The following STAB1 variants were observed in gnomAD, a reference collection of about 807,000 sequenced individuals.
The protein encoded by STAB1 is stabilin 1, also known as stabilin-1.
A neutral mutation model predicts 332.4 loss-of-function variants in STAB1; 250 were observed. That is an observed-to-expected ratio of 0.75 (90% CI 0.68 to 0.84). STAB1 has a LOEUF of 0.84. STAB1 is among the 40% of genes least tolerant of loss of function. The pLI is 0.00. For missense variants in STAB1, 3,249 were observed against 3,489.7 expected, an observed-to-expected ratio of 0.93 and a Z score of 1.74; for synonymous variants, 1,475 against 1,390.4, an observed-to-expected ratio of 1.06 and a Z score of -1.35.
chr3:52,515,899 T>C, intron 37 of STAB1, 144 bp from the exon 38 acceptor site: 1 of 952,260 alleles, frequency 1.1e-6, no homozygotes, highest in South Asian at 1.8e-5. Flanking sequence ...TGTGTCTCTT[T>C]CAGCTCTGAG....
In STAB1 at chr3:52,523,123, A is replaced by G; in HGVS notation, c.7009A>G (p.Thr2337Ala). 1.3e-6 allele frequency: 2 copies of G among 1,585,768 alleles called. No homozygotes were observed. The highest frequency in any genetic ancestry group is 8.6e-7 in the Non-Finnish European group (1 of 1,165,024). The change falls in exon 63 of 69, where the codon ACC becomes GCC. Residue 2337 changes from threonine to alanine, a missense_variant. Coordinates refer to ENST00000321725, the MANE Select transcript of STAB1 (RefSeq NM_015136.3). ...DVLAATANFSTFYGMLLGYAN... is the reference protein window; with the variant it reads ...DVLAATANFSAFYGMLLGYAN... ...GCTGGCTGCCACTGCCAACTTCTCC[A>G]CCTTCTATGGGGTGTGTGGGGGCCA... is the stretch of plus-strand genomic sequence containing the variant.
chr3:52,509,742 G>A (rs1709152075), intron 22 of STAB1, 128 bp from the exon 23 acceptor site: 3 of 984,054 alleles, frequency 3.0e-6, no homozygotes, highest in Non-Finnish European at 4.6e-6. Flanking sequence ...GATAACCTCT[G>A]ATTTTTCCAC....
At position 52,516,430 on chromosome 3, in the gene STAB1, CA is replaced by C; in HGVS notation, c.4220del (p.Gln1407ArgfsTer184). 1.2e-6 allele frequency: 2 copies of C among 1,612,138 alleles called. No individual in the cohort carries two copies. The highest frequency in any genetic ancestry group is 1.7e-6 in the Non-Finnish European group (2 of 1,178,808). Reference sequence around the variant, plus strand: ...AAGCTGTGTCTGTAACGTGGGCTGGCAGGGCCTCCGCTGTGACCAGAGTGAG... The same window carrying C: ...AAGCTGTGTCTGTAACGTGGGCTGGCGGGCCTCCGCTGTGACCAGAGTGAG... Reference protein sequence around the residue: ...DGSCVCNVGWQGLRCDQKITS... With the variant: ...DGSCVCNVGWXGLRCDQKITS... On this transcript the variant is annotated frameshift_variant, in exon 39 of 69. Coordinates refer to ENST00000321725, the MANE Select transcript of STAB1 (RefSeq NM_015136.3). LOFTEE classifies it high-confidence loss of function.
rs1422148317 is a variant in STAB1 at position 52,522,164 on chromosome 3, C to A, written c.6399C>A (p.Arg2133=). ...GTGATGGCTGGAGCTGCCGGGCCCG[C>A]AACCCCTGCACAGATGGCCACCGCG... The part of the protein sequence containing the change: ...YEGDGWSCRA[R]NPCTDGHRGG... Residue 2133 remains arginine (R), a synonymous_variant, in exon 59 of 69, where the codon CGC becomes CGA. Transcript: ENST00000321725. 7.4e-6 allele frequency: 12 copies of A among 1,612,770 alleles called. No homozygotes were observed. Among genetic ancestry groups the A allele is most frequent in the South Asian group, 3.3e-5 (3 of 91,092 alleles).
At position 52,515,146 on chromosome 3, in the gene STAB1, A is replaced by C. The variant is rs2078817010; in HGVS notation, c.3864+101A>C. 4 of 1,432,594 alleles carry C rather than the reference A, an allele frequency of 2.8e-6. No homozygotes were observed. In the African/African-American group the frequency reaches 5.7e-5, roughly 20 times the overall value. 88.7% of individuals were successfully genotyped at this position (1,432,594 alleles called of 1,614,324 possible). ...CCTCCAGCCCAGTTTTGCTTGGCCC[A>C]GGCATCCAGGCTCAGGGAACTGGGT... On this transcript the variant is annotated intron_variant, in intron 36 of 68. Coordinates refer to ENST00000321725, the MANE Select transcript of STAB1 (RefSeq NM_015136.3).
chr3:52,501,429 T>G, intron 2 of STAB1, 127 bp downstream of exon 2: 1 of 1,441,656 alleles, frequency 6.9e-7, no homozygotes, highest in Non-Finnish European at 9.4e-7. Context: ...TGGCCCCACC[T>G]GGGTGGTGGA....
At chr3:52,519,638 C>CTA in intron 50 of STAB1, 74 bp downstream of exon 50, 1 of 1,573,088 alleles carries the variant, frequency 6.4e-7, no homozygotes, top group South Asian at 1.1e-5. Flanking sequence ...GTATGCGTAC[C>CTA]TGTGTGTGCA....
intron 43 of STAB1, 46 bp downstream of exon 43, chr3:52,517,439 C>G: frequency 6.4e-7 from 1 of 1,573,536 alleles, no homozygotes; most frequent in South Asian, 1.2e-5. Context: ...CATGCCCTCA[C>G]AGGATGGGGC....
Position 52,521,900 on chromosome 3 carries a change from A to G in STAB1, c.6220A>G (p.Asn2074Asp). The G allele has an allele frequency of 6.2e-7, 1 of 1,609,236 alleles. No individual in the cohort carries two copies. The highest frequency in any genetic ancestry group is 8.5e-7 in the Non-Finnish European group (1 of 1,177,068). Residue 2074 changes from asparagine (N) to aspartate (D), a missense_variant, in exon 58 of 69, where the codon AAC (asparagine) becomes GAC (aspartate). Asn to Asp is a conservative substitution (Grantham distance 23, BLOSUM62 1). Transcript: ENST00000321725. ...ACCCGAGGCTGTGTGCCGTGCAGGC[A>G]ACAGCTGTGAGTGCAGCCTGGGCTA... ...CAPEAVCRAG[N>D]SCECSLGYEG... is the part of the protein sequence containing the mutation.
intron 1 of STAB1, 117 bp from the exon 2 acceptor site, chr3:52,501,049 C>A: frequency 7.0e-7 from 1 of 1,428,758 alleles, no homozygotes; most frequent in Non-Finnish European, 9.6e-7. Flanking sequence ...CTTACTCTGA[C>A]CCCTGAGCAG....
chr3:52,505,989 G>A (rs892830246), intron 16 of STAB1, 53 bp downstream of exon 16: 4 of 1,606,588 alleles, frequency 2.5e-6, no homozygotes, highest in African/African-American at 1.3e-5. Context: ...GGGCCTGCCT[G>A]CAGGTTCTGG....
In STAB1 at chr3:52,495,395, G is replaced by C. The variant is rs1425136417; in HGVS notation, c.-19G>C. On this transcript the variant is annotated 5_prime_UTR_variant, in exon 1 of 69. Transcript: ENST00000321725. ...TTCCCTACGCCCCGACTCTGTCCTG[G>C]ACAGCGTGCCCACCAGCCATGGCGG... 3 of 1,336,252 alleles carry C rather than the reference G, an allele frequency of 2.2e-6. No homozygotes were observed. Among genetic ancestry groups the C allele is most frequent in the African/African-American group, 3.0e-5 (2 of 66,606 alleles). 82.8% of individuals were successfully genotyped at this position (1,336,252 alleles called of 1,614,324 possible).
chr3:52,505,129 C>T lies in STAB1; in HGVS notation c.1504C>T (p.Pro502Ser). ...GLRWQAPSGTPGDPKRTIGQI... is the reference protein window; with the variant it reads ...GLRWQAPSGTSGDPKRTIGQI... Reference sequence around the variant, plus strand: ...GCGGTGGCAGGCCCCCTCTGGGACCCCTGGGGATCCCAAGGTGAGCCAGCA... The same window carrying T: ...GCGGTGGCAGGCCCCCTCTGGGACCTCTGGGGATCCCAAGGTGAGCCAGCA... Residue 502 changes from proline (P) to serine (S), a missense_variant, in exon 13 of 69, where the codon CCT (proline) becomes TCT (serine). Physicochemically the swap from Pro to Ser is moderately conservative, Grantham distance 74 (BLOSUM62 -1). Coordinates refer to ENST00000321725, the MANE Select transcript of STAB1 (RefSeq NM_015136.3). 1 of 1,613,086 alleles carries T rather than the reference C, an allele frequency of 6.2e-7. No homozygotes were observed. Among genetic ancestry groups the T allele is most frequent in the Non-Finnish European group, 8.5e-7 (1 of 1,179,848 alleles).
In STAB1 at chr3:52,506,843, T is replaced by C. The variant is rs749527428; in HGVS notation, c.1982T>C (p.Ile661Thr). The change falls in exon 18 of 69, where the codon ATT (isoleucine) becomes ACT (threonine). Residue 661 changes from isoleucine to threonine, a missense_variant. By Grantham distance (89) the Ile-to-Thr change is moderately conservative (BLOSUM62 -1). Coordinates refer to ENST00000321725, the MANE Select transcript of STAB1 (RefSeq NM_015136.3). The part of the protein sequence containing the change: ...PKHCSEEQHK[I>T]VAGSCVDCQA... Reference sequence around the variant, plus strand: ...CACTGCAGCGAGGAGCAGCACAAGATTGTGGCGGTGAGCCTCGCCTGCACG... The same window carrying C: ...CACTGCAGCGAGGAGCAGCACAAGACTGTGGCGGTGAGCCTCGCCTGCACG... The C allele has an allele frequency of 1.1e-5, 17 of 1,612,724 alleles. No individual in the cohort carries two copies. The highest frequency in any genetic ancestry group is 3.3e-5 in the Admixed American group (2 of 59,992).
In STAB1 at chr3:52,516,037, C is replaced by T. The variant is rs756403200; in HGVS notation, c.3949-6C>T. 18 of 1,598,346 alleles carry T rather than the reference C, an allele frequency of 1.1e-5. No individual in the cohort carries two copies. The highest frequency in any genetic ancestry group is 1.9e-4 in the Middle Eastern group (1 of 5,262). On this transcript the variant is annotated splice_region_variant and splice_polypyrimidine_tract_variant and intron_variant, in intron 37 of 68. Coordinates refer to ENST00000321725, the MANE Select transcript of STAB1 (RefSeq NM_015136.3). ...CTCGCCCTCTCTCCCATCCCCACGCCGACAGGTGCCGGACTGCTGCCCTGG... is the reference window on the plus strand; with the variant it reads ...CTCGCCCTCTCTCCCATCCCCACGCTGACAGGTGCCGGACTGCTGCCCTGG...
intron 5 of STAB1, 70 bp downstream of exon 5, chr3:52,502,298 A>G: frequency 6.6e-7 from 1 of 1,514,444 alleles, no homozygotes; most frequent in Non-Finnish European, 9.0e-7. Flanking sequence ...CAGTACCTAC[A>G]ACCAGCTCCC....
intron 36 of STAB1, 83 bp from the exon 37 acceptor site, chr3:52,515,340 A>G: frequency 7.6e-7 from 1 of 1,321,874 alleles, no homozygotes; most frequent in Non-Finnish European, 1.1e-6. Context: ...TGACACCTGT[A>G]GTCCATCTGT....
chr3:52,514,350 C>T lies in STAB1; in HGVS notation c.3547-15C>T. 1.3e-6 allele frequency: 2 copies of T among 1,545,638 alleles called. No individual in the cohort carries two copies. The highest frequency in any genetic ancestry group is 1.9e-4 in the Middle Eastern group (1 of 5,330). ...GTTATCCTGCAGTCCCCTGGGTTCT[C>T]TCCTTCTCTTCCAGGACGCAGACAC... On this transcript the variant is annotated splice_polypyrimidine_tract_variant and intron_variant, in intron 33 of 68. Coordinates refer to ENST00000321725, the MANE Select transcript of STAB1 (RefSeq NM_015136.3).
chr3:52,521,916 G>C lies in STAB1; in HGVS notation c.6236G>C (p.Ser2079Thr). The C allele has an allele frequency of 6.2e-7, 1 of 1,609,446 alleles. No homozygotes were observed. Among genetic ancestry groups the C allele is most frequent in the Middle Eastern group, 1.7e-4 (1 of 6,048 alleles). The change falls in exon 58 of 69, where the codon AGC (serine) becomes ACC (threonine). Residue 2079 changes from serine (S) to threonine (T), a missense_variant. Physicochemically the swap from Ser to Thr is moderately conservative, Grantham distance 58. Transcript: ENST00000321725. ...CGTGCAGGCAACAGCTGTGAGTGCA[G>C]CCTGGGCTATGAAGGGGATGGCCGT... ...VCRAGNSCECSLGYEGDGRVC... is the reference protein window; with the variant it reads ...VCRAGNSCECTLGYEGDGRVC...
Sources: allele counts gnomAD v4.1 joint callset, GRCh38; gene constraint gnomAD v4.1.1; transcripts MANE v1.5; gene names NCBI Gene and HGNC (gene_info 2026-07-23, HGNC 2026-07-21).